Variants in STAM observed in about 807,000 individuals in gnomAD.
The protein encoded by STAM is signal transducing adaptor molecule.
In STAM, 16 loss-of-function variants were observed where a neutral mutation model predicts 63.4. That is an observed-to-expected ratio of 0.25 (90% CI 0.17 to 0.38). The LOEUF (loss-of-function observed/expected upper bound fraction) is 0.38, where lower values mean the gene tolerates loss of function less well. Among genes scored for constraint, STAM ranks in the 10% least tolerant of loss-of-function variants. The pLI is 1.00. For missense variants in STAM, 636 were observed against 657.1 expected (o/e 0.97, Z 0.35); for synonymous variants, 238 against 223.9 (o/e 1.06, Z -0.56).
chr10:17,674,647 A>C (rs765241278), intron 2 of STAM, among the ~76,000 whole-genome samples: 3 of 152,160 alleles, frequency 2.0e-5, no homozygotes, highest in Non-Finnish European at 4.4e-5. Flanking sequence ...GTGTCTCAGA[A>C]TGTCACTTCC....
intron 1 of STAM, among the ~76,000 whole-genome samples, chr10:17,653,479 G>A (rs1166755459): frequency 6.6e-6 from 1 of 152,152 alleles, no homozygotes; most frequent in East Asian, 1.9e-4. Context: ...TATTTGGAGG[G>A]TGATGAAGCT....
At chr10:17,646,246 T>A (rs1182680867) in intron 1 of STAM, among the ~76,000 whole-genome samples, 1 of 151,960 alleles carries the variant, frequency 6.6e-6, no homozygotes, top group Non-Finnish European at 1.5e-5. Flanking sequence ...GTCATAGGAG[T>A]TTGTCCTGTG....
At chr10:17,703,611 C>T (rs1836118859) in intron 9 of STAM, among the ~76,000 whole-genome samples, 1 of 151,980 alleles carries the variant, frequency 6.6e-6, no homozygotes, top group African/African-American at 2.4e-5. Flanking sequence ...ACTTATATAT[C>T]GTATAGATGT....
intron 1 of STAM, among the ~76,000 whole-genome samples, chr10:17,647,792 C>T (rs2131552379): frequency 6.6e-6 from 1 of 152,232 alleles, no homozygotes; most frequent in Non-Finnish European, 1.5e-5. Context: ...AAAAGAACCT[C>T]ATCTAATTTC....
chr10:17,678,157 A>T (rs1299485950), intron 2 of STAM, among the ~76,000 whole-genome samples: 1 of 152,140 alleles, frequency 6.6e-6, no homozygotes, highest in African/African-American at 2.4e-5. Context: ...GGAAACCACT[A>T]ATCTACTTTC....
At chr10:17,666,412 T>TG (rs1834381468) in intron 2 of STAM, among the ~76,000 whole-genome samples, 1 of 144,436 alleles carries the variant, frequency 6.9e-6, no homozygotes, top group Non-Finnish European at 1.5e-5. Flanking sequence ...TTTTTTTTTT[T>TG]GAGACAGAGT....
At position 17,693,262 on chromosome 10, in the gene STAM, AGGATCCTGGTACTGT is replaced by A; in HGVS notation, c.488_502del (p.Asp163_Val167del). 1 of 1,613,724 alleles carries A rather than the reference AGGATCCTGGTACTGT, an allele frequency of 6.2e-7. No individual in the cohort carries two copies. ...AAAGCAAGCCCAGCTCTTGTAGCCA[AGGATCCTGGTACTGT>A]GGCTAACAAAAAAGAAGAAGAAGAT... On this transcript the variant is annotated inframe_deletion, in exon 6 of 14. Coordinates refer to ENST00000377524, the MANE Select transcript of STAM (RefSeq NM_003473.4).
In STAM at chr10:17,681,995, T is replaced by C. The variant is rs369539757; in HGVS notation, c.126-2680T>C. ...GCATGTTTGCTACATTCTTGGCCTG[T>C]CATTTAAATAGATCTGTTTTTACTG... On this transcript the variant is annotated intron_variant, in intron 2 of 13. Transcript: ENST00000377524. Among the ~76,000 whole-genome samples the C allele has an allele frequency of 3.9e-5, 6 of 152,236 alleles. No homozygotes were observed. The East Asian group carries it at 9.6e-4, about 24-fold the overall frequency.
chr10:17,659,979 C>T (rs958283339), intron 1 of STAM, among the ~76,000 whole-genome samples: 3 of 151,814 alleles, frequency 2.0e-5, no homozygotes, highest in East Asian at 1.9e-4. Flanking sequence ...CACTTAAATA[C>T]GTTTTTATTT....
chr10:17,652,530 A>G (rs1833780942), intron 1 of STAM, among the ~76,000 whole-genome samples: 1 of 152,250 alleles, frequency 6.6e-6, no homozygotes, highest in Non-Finnish European at 1.5e-5. Context: ...CAACTATGAT[A>G]GTAGGCAATT....
At chr10:17,676,092 TG>T (rs1480417896) in intron 2 of STAM, among the ~76,000 whole-genome samples, 5 of 152,364 alleles carry the variant, frequency 3.3e-5, no homozygotes, top group African/African-American at 4.8e-5. Flanking sequence ...CTGCAGAGTT[TG>T]TGTTTTGTTT....
chr10:17,684,637 G>A, intron 2 of STAM, 38 bp from the exon 3 acceptor site: 3 of 1,554,962 alleles, frequency 1.9e-6, no homozygotes, highest in South Asian at 2.3e-5. Context: ...GAAGCTAGAT[G>A]TATTATTAAG....
intron 2 of STAM, among the ~76,000 whole-genome samples, chr10:17,670,477 T>C (rs1466116775): frequency 6.6e-5 from 10 of 152,196 alleles, no homozygotes; most frequent in Non-Finnish European, 1.3e-4. Context: ...GCAGTTATAT[T>C]TGAAGGTTAA....
intron 4 of STAM, among the ~76,000 whole-genome samples, chr10:17,686,784 G>C (rs1835312512): frequency 6.6e-6 from 1 of 152,146 alleles, no homozygotes. Flanking sequence ...CCAAAATACA[G>C]ATTACATGTG....
intron 13 of STAM, 145 bp from the exon 14 acceptor site, chr10:17,714,395 CAAT>C: frequency 1.4e-6 from 1 of 737,280 alleles, no homozygotes; most frequent in Non-Finnish European, 2.3e-6. Flanking sequence ...CCTAAAATAA[CAAT>C]GTTTGGCACA....
rs1184975483 is a variant in STAM at position 17,684,660 on chromosome 10, T to G, written c.126-15T>G. ...ATGTATTATTAAGTAATTTTTACTTTTCTCATTTTTTTAGACCTAAGGATT... is the reference window on the plus strand; with the variant it reads ...ATGTATTATTAAGTAATTTTTACTTGTCTCATTTTTTTAGACCTAAGGATT... On this transcript the variant is annotated splice_polypyrimidine_tract_variant and intron_variant, in intron 2 of 13. Coordinates refer to ENST00000377524, the MANE Select transcript of STAM (RefSeq NM_003473.4). 2.5e-6 allele frequency: 4 copies of G among 1,608,278 alleles called. No individual in the cohort carries two copies. The highest frequency in any genetic ancestry group is 3.4e-6 in the Non-Finnish European group (4 of 1,177,896).
intron 5 of STAM, 58 bp downstream of exon 5, chr10:17,688,231 T>G: frequency 7.4e-7 from 1 of 1,345,982 alleles, no homozygotes; most frequent in Non-Finnish European, 9.6e-7. Flanking sequence ...AATAGCTATA[T>G]TTATTTGAAT....
rs1010623062 is a variant in STAM, at chr10:17,716,373, A to C, written c.*1593A>C. Among the ~76,000 whole-genome samples, 12 of 149,362 alleles carry C rather than the reference A, an allele frequency of 8.0e-5. No homozygotes were observed. In the Admixed American group the frequency reaches 8.2e-4, roughly 10 times the overall value. On this transcript the variant is annotated 3_prime_UTR_variant, in exon 14 of 14. Transcript: ENST00000377524. ...CCGTAGTTTTAAATCTGAGCCTGTGAAATTAGTCACCTGTAAGATTACTTA... is the reference window on the plus strand; with the variant it reads ...CCGTAGTTTTAAATCTGAGCCTGTGCAATTAGTCACCTGTAAGATTACTTA...
chr10:17,705,657 G>C lies in STAM; in HGVS notation c.1125G>C (p.Met375Ile). Residue 375 changes from methionine to isoleucine, a missense_variant, in exon 12 of 14, where the codon ATG becomes ATC. This residue lies in a region of STAM where 532 missense variants were observed against 536.9 expected (regional missense o/e 0.99). Coordinates refer to ENST00000377524, the MANE Select transcript of STAM (RefSeq NM_003473.4). ...MEALSLYTKL[M>I]NEDPMYSMYA... ...CCCTTTCCTTATATACCAAGTTAAT[G>C]AACGAAGATCCGATGTATTCCATGT... The C allele has an allele frequency of 1.2e-6, 2 of 1,613,946 alleles. No homozygotes were observed. The highest frequency in any genetic ancestry group is 2.2e-5 in the South Asian group (2 of 91,030).
Sources: gnomAD v4.1 joint callset for allele counts (sites outside exome capture counted in the v4.1 genomes callset) on GRCh38, gnomAD v4.1.1 for gene constraint, gnomAD v4.1.1 regional missense constraint, MANE v1.5 for transcripts, NCBI Gene and HGNC (gene_info 2026-07-23, HGNC 2026-07-21) for gene names.